Variants in ALDH3B1 observed in about 807,000 individuals in gnomAD.
The protein encoded by ALDH3B1 is aldehyde dehydrogenase 3 family member B1.
Under a neutral mutation model 46.2 loss-of-function variants are expected in ALDH3B1, and 37 were observed. The observed-to-expected ratio is 0.80, with a 90% CI of 0.62 to 1.05. ALDH3B1 has a LOEUF of 1.05. ALDH3B1 is among the 50% of genes least tolerant of loss of function. The pLI is 0.00. For synonymous variants in ALDH3B1, 283 were observed against 281.0 expected (o/e 1.01, Z -0.07); for missense variants, 603 against 665.5 (o/e 0.91, Z 1.03).
upstream of ALDH3B1, among the ~76,000 whole-genome samples, chr11:68,008,991 G>A (rs535489561): frequency 1.3e-4 from 20 of 152,314 alleles, no homozygotes; most frequent in South Asian, 1.0e-3. Context: ...TGCCTGTGCC[G>A]AACTTGAGGA....
chr11:68,018,665 G>A (rs771001411), intron 3 of ALDH3B1, 28 bp downstream of exon 3: 2 of 1,553,416 alleles, frequency 1.3e-6, no homozygotes, highest in Middle Eastern at 1.7e-4. Flanking sequence ...AGGCGGGCAG[G>A]GGGCTCAGGG....
rs375063489 is a variant in ALDH3B1, at chr11:68,019,181, G to A, written c.406G>A (p.Val136Met). ...GCACTGCCCTGCAGGGAACTGTGTG[G>A]TGCTGAAGCCATCGGAGATTAGCAA... ...VGALAAGNCVVLKPSEISKNV... is the reference protein window; with the variant it reads ...VGALAAGNCVMLKPSEISKNV... Residue 136 changes from valine (V) to methionine (M), a missense_variant, in exon 5 of 10, where the codon GTG becomes ATG. By Grantham distance (21) the Val-to-Met change is conservative (BLOSUM62 1). Transcript: ENST00000342456. The A allele has an allele frequency of 6.6e-5, 107 of 1,612,682 alleles. No individual in the cohort carries two copies. In the African/African-American group the frequency reaches 1.3e-3, roughly 19 times the overall value.
chr11:68,027,028 C>G (rs1263950794), intron 9 of ALDH3B1, among the ~76,000 whole-genome samples: 3 of 152,016 alleles, frequency 2.0e-5, no homozygotes, highest in African/African-American at 7.2e-5. Flanking sequence ...GAAAGCCTCC[C>G]CCAGCTCCCA....
Position 68,021,687 on chromosome 11 carries a change from G to C in ALDH3B1, c.765G>C (p.Glu255Asp), listed in dbSNP as rs1192213388. The C allele has an allele frequency of 6.2e-7, 1 of 1,614,084 alleles. No homozygotes were observed. Among genetic ancestry groups the C allele is most frequent in the Non-Finnish European group, 8.5e-7 (1 of 1,179,988 alleles). Residue 255 changes from glutamate to aspartate, a missense_variant, in exon 7 of 10, where the codon GAG (glutamate) becomes GAC (aspartate). By Grantham distance (45) the Glu-to-Asp change is conservative. Coordinates refer to ENST00000342456, the MANE Select transcript of ALDH3B1 (RefSeq NM_000694.4). Reference protein sequence around the residue: ...VAPDYVLCSPEMQERLLPALQ... With the variant: ...VAPDYVLCSPDMQERLLPALQ... ...CCGACTACGTCCTATGCAGCCCTGA[G>C]ATGCAGGAGAGGCTGCTGCCTGCCC... is the stretch of plus-strand genomic sequence containing the variant.
intron 1 of ALDH3B1, among the ~76,000 whole-genome samples, chr11:68,013,615 C>T (rs750890335): frequency 2.6e-5 from 4 of 152,222 alleles, no homozygotes; most frequent in Non-Finnish European, 5.9e-5. Flanking sequence ...TTTTATGCAG[C>T]GTGATGTCAT....
At chr11:68,024,168 G>A (rs527872698) in intron 8 of ALDH3B1, 13 of 152,208 alleles carry the variant, frequency 8.5e-5, no homozygotes, top group Admixed American at 3.9e-4. Context: ...CAGGTCATCT[G>A]GTGTATTTCT....
At chr11:68,009,699 TTGA>T (rs1468682843), upstream of ALDH3B1, among the ~76,000 whole-genome samples, 5 of 152,198 alleles carry the variant, frequency 3.3e-5, no homozygotes, top group Non-Finnish European at 5.9e-5. Flanking sequence ...AGGTCAGGGG[TTGA>T]TATTATTATC....
chr11:68,011,914 G>T (rs569633965), intron 1 of ALDH3B1, among the ~76,000 whole-genome samples: 1 of 152,338 alleles, frequency 6.6e-6, no homozygotes, highest in South Asian at 2.1e-4. Context: ...CACAGGCAGT[G>T]CCCAATTTTA....
chr11:68,018,694 G>T, intron 3 of ALDH3B1, 57 bp downstream of exon 3: 1 of 1,549,616 alleles, frequency 6.5e-7, no homozygotes, highest in Admixed American at 2.0e-5. Flanking sequence ...CTCCCACAGG[G>T]TGGCCCCTCT....
intron 1 of ALDH3B1, among the ~76,000 whole-genome samples, chr11:68,014,388 C>T (rs1002957373): frequency 5.9e-5 from 9 of 152,244 alleles, no homozygotes; most frequent in Middle Eastern, 3.4e-3. Context: ...GAAAGGGACT[C>T]GGAGAGGGAA....
chr11:68,022,108 C>T (rs1590780016), intron 7 of ALDH3B1, among the ~76,000 whole-genome samples: 3 of 152,192 alleles, frequency 2.0e-5, no homozygotes, highest in East Asian at 3.9e-4. Flanking sequence ...TCCCAGGGCT[C>T]CAGGGCTCAG....
At chr11:68,025,948 T>C (rs1857611396) in intron 8 of ALDH3B1, 61 bp from the exon 9 acceptor site, 2 of 1,273,298 alleles carry the variant, frequency 1.6e-6, no homozygotes, top group African/African-American at 3.0e-5. Flanking sequence ...GAACAGGCTC[T>C]GGGTCCTGAG....
rs34494820 is a variant in ALDH3B1, at chr11:68,023,303, C to CT, written c.1116+560dup. Among the ~76,000 whole-genome samples, 772 of 119,014 alleles carry CT rather than the reference C, an allele frequency of 6.5e-3. 4 individuals are homozygous for CT. The highest frequency in any genetic ancestry group is 9.5e-3 in the Non-Finnish European group (560 of 58,674). 78.1% of individuals were successfully genotyped at this position (119,014 alleles called of 152,430 possible). ...AGTTCCTCGATTCCCTCCACTTGAACTTTTTTTTTTTTTTTTTTGAGACAG... is the reference window on the plus strand; with the variant it reads ...AGTTCCTCGATTCCCTCCACTTGAACTTTTTTTTTTTTTTTTTTTGAGACAG... On this transcript the variant is annotated intron_variant, in intron 8 of 9. Transcript: ENST00000342456.
Position 68,021,683 on chromosome 11 carries a change from C to G in ALDH3B1, c.761C>G (p.Pro254Arg), listed in dbSNP as rs1343883846. The change falls in exon 7 of 10, where the codon CCT becomes CGT. Residue 254 changes from proline to arginine, a missense_variant. Coordinates refer to ENST00000342456, the MANE Select transcript of ALDH3B1 (RefSeq NM_000694.4). ...CVAPDYVLCS[P>R]EMQERLLPAL... ...GCCCCCGACTACGTCCTATGCAGCC[C>G]TGAGATGCAGGAGAGGCTGCTGCCT... 1 of 1,614,056 alleles carries G rather than the reference C, an allele frequency of 6.2e-7. No homozygotes were observed. The highest frequency in any genetic ancestry group is 2.2e-5 in the East Asian group (1 of 44,868).
intron 9 of ALDH3B1, among the ~76,000 whole-genome samples, chr11:68,027,331 G>A (rs531809803): frequency 6.6e-6 from 1 of 152,174 alleles, no homozygotes; most frequent in Non-Finnish European, 1.5e-5. Context: ...ACGCTGAGGA[G>A]AGTTCACTGC....
chr11:68,026,411 C>T (rs1857624283), intron 9 of ALDH3B1, among the ~76,000 whole-genome samples: 1 of 152,162 alleles, frequency 6.6e-6, no homozygotes, highest in South Asian at 2.1e-4. Flanking sequence ...CTGCCCACTG[C>T]GATGCTATTT....
rs368554544 is a variant in ALDH3B1 at position 68,027,808 on chromosome 11, C to T, written c.1276C>T (p.Arg426Cys). 7 of 1,558,992 alleles carry T rather than the reference C, an allele frequency of 4.5e-6. No homozygotes were observed. The highest frequency in any genetic ancestry group is 2.4e-5 in the East Asian group (1 of 42,516). The change falls in exon 10 of 10, where the codon CGC becomes TGC. Residue 426 changes from arginine to cysteine, a missense_variant. Physicochemically the swap from Arg to Cys is radical, Grantham distance 180 (BLOSUM62 -3). Transcript: ENST00000342456. ...KFSFDTFSHHRACLLRSPGME... is the reference protein window; with the variant it reads ...KFSFDTFSHHCACLLRSPGME... ...CTCCTTCGACACCTTCTCCCACCAT[C>T]GCGCCTGCCTCCTGCGCAGCCCGGG...
intron 6 of ALDH3B1, among the ~76,000 whole-genome samples, chr11:68,020,891 G>GTGTGCATGC (rs1857475549): frequency 6.6e-6 from 1 of 152,200 alleles, no homozygotes; most frequent in African/African-American, 2.4e-5. Context: ...AGAGAAGGCT[G>GTGTGCATGC]TGTGCATGCG....
chr11:68,021,381 C>G, intron 6 of ALDH3B1, 104 bp from the exon 7 acceptor site: 1 of 1,501,380 alleles, frequency 6.7e-7, no homozygotes, highest in Non-Finnish European at 8.9e-7. Flanking sequence ...GGGCTGCTGC[C>G]CGCTGACTCC....
Sources: gnomAD v4.1 joint callset for allele counts (sites outside exome capture counted in the v4.1 genomes callset) on GRCh38, gnomAD v4.1.1 for gene constraint, MANE v1.5 for transcripts, NCBI Gene and HGNC (gene_info 2026-07-23, HGNC 2026-07-21) for gene names.